Variants in THRB observed in about 807,000 individuals in gnomAD.
THRB encodes thyroid hormone receptor beta.
In THRB, 12 loss-of-function variants were observed where a neutral mutation model predicts 47.8. The ratio of observed to expected loss-of-function variants is 0.25; its 90% CI spans 0.16 to 0.41. THRB has a LOEUF of 0.41. Ranked by LOEUF, THRB falls within the 10% of genes least tolerant of loss-of-function variation. THRB has a pLI of 1.00. For synonymous variants in THRB, 218 were observed against 212.2 expected (o/e 1.03, Z -0.24); for missense variants, 348 against 589.2 (o/e 0.59, Z 4.24).
At chr3:24,199,371 T>C (rs947238158) in intron 4 of THRB, among the ~76,000 whole-genome samples, 5 of 152,238 alleles carry the variant, frequency 3.3e-5, no homozygotes, top group African/African-American at 1.2e-4. Flanking sequence ...GTCTTTCTTT[T>C]ACTGAGCACC....
At chr3:24,328,129 G>A (rs1576874488) in intron 2 of THRB, among the ~76,000 whole-genome samples, 2 of 152,116 alleles carry the variant, frequency 1.3e-5, no homozygotes, top group South Asian at 4.1e-4. Flanking sequence ...ATTAAATAAT[G>A]TTGGCGAGGC....
intron 1 of THRB, among the ~76,000 whole-genome samples, chr3:24,350,403 C>T (rs956128131): frequency 1.3e-5 from 2 of 152,042 alleles, no homozygotes; most frequent in African/African-American, 4.8e-5. Context: ...CAAAAATGTC[C>T]ATAGCTGCTC....
chr3:24,249,871 G>A (rs1035502945), intron 3 of THRB, among the ~76,000 whole-genome samples: 3 of 151,974 alleles, frequency 2.0e-5, no homozygotes, highest in South Asian at 4.2e-4. Context: ...CTATTAGGCC[G>A]GGGCAAAAGT....
intron 1 of THRB, among the ~76,000 whole-genome samples, chr3:24,476,169 A>C (rs1695423439): frequency 6.6e-6 from 1 of 152,230 alleles, no homozygotes; most frequent in Admixed American, 6.5e-5. Flanking sequence ...CCTGCTGCAC[A>C]AACCACCTTG....
chr3:24,267,870 C>T (rs1414130189), intron 3 of THRB, among the ~76,000 whole-genome samples: 1 of 152,140 alleles, frequency 6.6e-6, no homozygotes, highest in Non-Finnish European at 1.5e-5. Context: ...TCCCAATGGT[C>T]CTGAAGAAAG....
intron 9 of THRB, among the ~76,000 whole-genome samples, chr3:24,129,742 C>A (rs1021406569): frequency 4.1e-5 from 6 of 146,398 alleles, no homozygotes; most frequent in African/African-American, 1.5e-4. Context: ...GATACTCCCA[C>A]AGGTTCTTCC....
At chr3:24,245,616 A>G (rs2050033628) in intron 3 of THRB, among the ~76,000 whole-genome samples, 1 of 152,162 alleles carries the variant, frequency 6.6e-6, no homozygotes, top group Non-Finnish European at 1.5e-5. Context: ...AGATCCAGCT[A>G]TAAACTGAGG....
chr3:24,203,870 G>T (rs886906520), intron 4 of THRB, among the ~76,000 whole-genome samples: 3 of 152,258 alleles, frequency 2.0e-5, no homozygotes, highest in African/African-American at 4.8e-5. Flanking sequence ...TCCCACGCCT[G>T]GCTTGGAGGG....
chr3:24,201,966 G>C (rs1301835456), intron 4 of THRB, among the ~76,000 whole-genome samples: 1 of 152,138 alleles, frequency 6.6e-6, no homozygotes, highest in Non-Finnish European at 1.5e-5. Context: ...CTATGAAGTA[G>C]ACTGTTATTC....
rs12636416 is a variant in THRB, at chr3:24,378,834, T to C, written c.-260-41463A>G. ...AATTTTATTCTCATGTATCTTTTGA[T>C]AAAGAATATTAGGGAGAAATCTAGA... On this transcript the variant is annotated intron_variant, in intron 1 of 10. Coordinates refer to ENST00000646209, the MANE Select transcript of THRB (RefSeq NM_001354712.2). Among the ~76,000 whole-genome samples, 455 of 152,260 alleles carry C rather than the reference T, an allele frequency of 3.0e-3. 13 individuals are homozygous for C. The East Asian group carries it at 0.065, about 22-fold the overall frequency.
intron 2 of THRB, among the ~76,000 whole-genome samples, chr3:24,333,064 A>T (rs1031229670): frequency 2.0e-5 from 3 of 152,166 alleles, no homozygotes; most frequent in Admixed American, 6.5e-5. Flanking sequence ...AGCCTGGGTG[A>T]CAGAGCGAGA....
At chr3:24,298,848 A>T (rs1281258545) in intron 2 of THRB, among the ~76,000 whole-genome samples, 2 of 152,152 alleles carry the variant, frequency 1.3e-5, no homozygotes, top group African/African-American at 4.8e-5. Flanking sequence ...ATGGATTGTG[A>T]CTCATTTGAT....
At chr3:24,425,153 G>C (rs1253401650) in intron 1 of THRB, among the ~76,000 whole-genome samples, 1 of 151,614 alleles carries the variant, frequency 6.6e-6, no homozygotes, top group Admixed American at 6.6e-5. Context: ...TTCAAGATGT[G>C]GTATTGCTGG....
intron 1 of THRB, among the ~76,000 whole-genome samples, chr3:24,492,616 C>G (rs1185235589): frequency 6.6e-6 from 1 of 152,170 alleles, no homozygotes; most frequent in African/African-American, 2.4e-5. Flanking sequence ...GCAAAAACCC[C>G]AGGAGAGGAA....
intron 10 of THRB, 71 bp downstream of exon 10, chr3:24,127,428 A>C: frequency 6.5e-7 from 1 of 1,539,936 alleles, no homozygotes; most frequent in Admixed American, 1.7e-5. Flanking sequence ...CTGAAAACTC[A>C]AGTGATTGGA....
chr3:24,387,817 T>C (rs891654634), intron 1 of THRB, among the ~76,000 whole-genome samples: 2 of 152,052 alleles, frequency 1.3e-5, no homozygotes, highest in African/African-American at 4.8e-5. Context: ...AGGAATCCTG[T>C]TCCACTAGCT....
intron 1 of THRB, among the ~76,000 whole-genome samples, chr3:24,493,660 CAA>C (rs1359420026): frequency 6.6e-6 from 1 of 152,212 alleles, no homozygotes; most frequent in Non-Finnish European, 1.5e-5. Context: ...GCTGTTCATG[CAA>C]ACTCTTTCCT....
At chr3:24,338,594 T>C (rs2062421825) in intron 1 of THRB, among the ~76,000 whole-genome samples, 1 of 152,178 alleles carries the variant, frequency 6.6e-6, no homozygotes. Context: ...AAAGCCCTTG[T>C]TATATCATTA....
intron 3 of THRB, among the ~76,000 whole-genome samples, chr3:24,253,959 T>C (rs1399443796): frequency 6.6e-6 from 1 of 151,860 alleles, no homozygotes; most frequent in Non-Finnish European, 1.5e-5. Flanking sequence ...ACCATTTTTT[T>C]TTTTTCTTAC....
Sources: allele counts gnomAD v4.1 joint callset (sites outside exome capture counted in the v4.1 genomes callset), GRCh38; gene constraint gnomAD v4.1.1; transcripts MANE v1.5; gene names NCBI Gene and HGNC (gene_info 2026-07-23, HGNC 2026-07-21).